Variants in MARCHF4 observed in about 807,000 individuals in gnomAD.
MARCHF4 encodes the protein E3 ubiquitin-protein ligase MARCHF4.
Under a neutral mutation model 43.9 loss-of-function variants are expected in MARCHF4, and 14 were observed. The observed-to-expected ratio is 0.32, with a 90% CI of 0.21 to 0.50. The LOEUF is 0.50. Among genes scored for constraint, MARCHF4 ranks in the 20% least tolerant of loss-of-function variants. The probability of loss-of-function intolerance (pLI) is 0.98; values close to 1 mark genes in which losing one functional copy is unlikely to be tolerated. For synonymous variants in MARCHF4, 226 were observed against 213.3 expected, an observed-to-expected ratio of 1.06 and a Z score of -0.52; for missense variants, 468 against 536.7, an observed-to-expected ratio of 0.87 and a Z score of 1.27.
intron 1 of MARCHF4, among the ~76,000 whole-genome samples, chr2:216,352,084 A>G (rs922235878): frequency 2.6e-4 from 39 of 152,162 alleles, no homozygotes; most frequent in Non-Finnish European, 5.9e-5. Flanking sequence ...TCTGGAATGA[A>G]AGTATGCATG....
In MARCHF4 at chr2:216,370,152, G is replaced by C. The variant is rs746719861; in HGVS notation, c.109C>G (p.Leu37Val). ...PAPQMLRHQG[L>V]LKCRCRMLFN... ...AGCATGCGGCAGCGGCACTTGAGGAGACCCTGGTGGCGCAACATCTGGGGG... is the reference window on the plus strand; with the variant it reads ...AGCATGCGGCAGCGGCACTTGAGGACACCCTGGTGGCGCAACATCTGGGGG... Residue 37 changes from leucine (L) to valine (V), a missense_variant, in exon 1 of 4, where the codon CTC (leucine) becomes GTC (valine). By Grantham distance (32) the Leu-to-Val change is conservative (BLOSUM62 1). Coordinates refer to ENST00000273067, the MANE Select transcript of MARCHF4 (RefSeq NM_020814.3). 1 of 1,610,078 alleles carries C rather than the reference G, an allele frequency of 6.2e-7. No individual in the cohort carries two copies. The highest frequency in any genetic ancestry group is 8.5e-7 in the Non-Finnish European group (1 of 1,178,516).
chr2:216,278,196 G>C (rs1208990868), intron 2 of MARCHF4, among the ~76,000 whole-genome samples: 1 of 151,844 alleles, frequency 6.6e-6, no homozygotes, highest in Non-Finnish European at 1.5e-5. Flanking sequence ...TGAGGGTGGT[G>C]TTCTAGGCCC....
intron 1 of MARCHF4, among the ~76,000 whole-genome samples, chr2:216,305,996 A>C (rs1213527935): frequency 2.0e-5 from 3 of 151,678 alleles, no homozygotes; most frequent in Admixed American, 1.3e-4. Flanking sequence ...GCACCAAAAC[A>C]TTTTTTTATA....
At chr2:216,308,512 G>A (rs1373074095) in intron 1 of MARCHF4, among the ~76,000 whole-genome samples, 1 of 152,208 alleles carries the variant, frequency 6.6e-6, no homozygotes, top group Admixed American at 6.5e-5. Context: ...CTGATGATAG[G>A]CCTGTGCAAT....
intron 1 of MARCHF4, among the ~76,000 whole-genome samples, chr2:216,329,874 G>A (rs1042622218): frequency 6.6e-6 from 1 of 151,880 alleles, no homozygotes; most frequent in East Asian, 1.9e-4. Context: ...ATCGCTTGGG[G>A]CCGGAGTTTG....
intron 1 of MARCHF4, among the ~76,000 whole-genome samples, chr2:216,305,984 C>A (rs956883884): frequency 5.3e-5 from 8 of 152,192 alleles, no homozygotes; most frequent in African/African-American, 1.9e-4. Flanking sequence ...CCCACCCCTC[C>A]TGCACCAAAA....
chr2:216,319,199 T>C (rs1691838960), intron 1 of MARCHF4, among the ~76,000 whole-genome samples: 1 of 151,960 alleles, frequency 6.6e-6, no homozygotes. Flanking sequence ...TCCCAGCTAT[T>C]TGGGAGGATG....
intron 3 of MARCHF4, among the ~76,000 whole-genome samples, chr2:216,273,904 G>A (rs1202745089): frequency 6.6e-6 from 1 of 152,238 alleles, no homozygotes. Flanking sequence ...GAGGCAGGAG[G>A]TGGTGGGAGA....
chr2:216,365,201 A>C (rs1692645368), intron 1 of MARCHF4, among the ~76,000 whole-genome samples: 1 of 152,244 alleles, frequency 6.6e-6, no homozygotes, highest in Admixed American at 6.5e-5. Flanking sequence ...AAGCCCTGAA[A>C]AGCCATATCT....
intron 1 of MARCHF4, among the ~76,000 whole-genome samples, chr2:216,327,826 C>T (rs902017528): frequency 2.6e-5 from 4 of 152,046 alleles, no homozygotes; most frequent in African/African-American, 7.2e-5. Context: ...TCAGCTCTAC[C>T]TCATTGTTCT....
At chr2:216,272,191 C>T (rs1690949511) in intron 3 of MARCHF4, among the ~76,000 whole-genome samples, 1 of 151,956 alleles carries the variant, frequency 6.6e-6, no homozygotes, top group Admixed American at 6.6e-5. Context: ...AAATGGATTC[C>T]CCAAGTTCAT....
intron 1 of MARCHF4, among the ~76,000 whole-genome samples, chr2:216,291,533 T>G (rs1176854504): frequency 1.3e-5 from 2 of 152,116 alleles, no homozygotes; most frequent in Non-Finnish European, 2.9e-5. Flanking sequence ...TCTGTGAAAC[T>G]GAGGGAGGAG....
intron 1 of MARCHF4, among the ~76,000 whole-genome samples, chr2:216,354,893 TTC>T (rs746460711): frequency 5.6e-5 from 2 of 35,480 alleles, no homozygotes; most frequent in Admixed American, 3.3e-4. Context: ...AATAATTGTT[TTC>T]TTTCTTTCTT....
chr2:216,293,920 CTA>C (rs1691352340), intron 1 of MARCHF4, among the ~76,000 whole-genome samples: 4 of 93,030 alleles, frequency 4.3e-5, no homozygotes, highest in African/African-American at 1.1e-4. Flanking sequence ...ATCTGTATTT[CTA>C]ATGACCTAAA....
intron 1 of MARCHF4, chr2:216,351,514 T>C (rs1327359396): frequency 2.0e-5 from 3 of 152,012 alleles, no homozygotes; most frequent in Admixed American, 6.6e-5. Flanking sequence ...AAAAAATAAA[T>C]AAATAAAATA....
At chr2:216,335,307 C>T (rs932968910) in intron 1 of MARCHF4, among the ~76,000 whole-genome samples, 1 of 152,078 alleles carries the variant, frequency 6.6e-6, no homozygotes, top group Admixed American at 6.6e-5. Context: ...GAGAAATTGA[C>T]AAAAGAAAGC....
chr2:216,283,615 T>C lies in MARCHF4; in HGVS notation c.631A>G (p.Lys211Glu), dbSNP rs756981946. 3.7e-6 allele frequency: 6 copies of C among 1,611,758 alleles called. No homozygotes were observed. Among genetic ancestry groups the C allele is most frequent in the Non-Finnish European group, 8.5e-7 (1 of 1,178,108 alleles). The change falls in exon 2 of 4, where the codon AAG becomes GAG. Residue 211 changes from lysine (K) to glutamate (E), a missense_variant. Physicochemically the swap from Lys to Glu is moderately conservative, Grantham distance 56. Coordinates refer to ENST00000273067, the MANE Select transcript of MARCHF4 (RefSeq NM_020814.3). ...GCWSCELCYY[K>E]YHVIAISTKN... ...GTGCTTATGGCGATGACGTGGTACT[T>C]GTAGTAGCACAGCTCGCAGCTCCAG...
rs1022963970 is a variant in MARCHF4, at chr2:216,354,826, G to C, written c.516+14919C>G. On this transcript the variant is annotated intron_variant, in intron 1 of 3. Transcript: ENST00000273067. ...TGACTCTGGTCCTCAGCATAATTGT[G>C]CCCAAAGCTGTCTTGTCTACTCTCA... Among the ~76,000 whole-genome samples, 4 of 152,034 alleles carry C rather than the reference G, an allele frequency of 2.6e-5. No individual in the cohort carries two copies. The South Asian group carries it at 8.3e-4, about 32-fold the overall frequency.
In MARCHF4 at chr2:216,297,803, T is replaced by C. The variant is rs765140548; in HGVS notation, c.517-14074A>G. Among the ~76,000 whole-genome samples the C allele has an allele frequency of 1.1e-4, 17 of 152,108 alleles. 1 individual carries two copies. The highest frequency in any genetic ancestry group is 1.8e-4 in the Non-Finnish European group (12 of 68,014). ...AGTAAGCCACCACACCCCTCCCCTA[T>C]GGTCTTCTTTTAGGAGCCATTCAGC... On this transcript the variant is annotated intron_variant, in intron 1 of 3. Coordinates refer to ENST00000273067, the MANE Select transcript of MARCHF4 (RefSeq NM_020814.3).
Sources: allele counts gnomAD v4.1 joint callset (sites outside exome capture counted in the v4.1 genomes callset), GRCh38; gene constraint gnomAD v4.1.1; transcripts MANE v1.5; gene names NCBI Gene and HGNC (gene_info 2026-07-23, HGNC 2026-07-21).